Variants in LHX9 observed in about 807,000 individuals in gnomAD.
The protein encoded by LHX9 is LIM/homeobox protein Lhx9.
Under a neutral mutation model 36.5 loss-of-function variants are expected in LHX9, and 9 were observed. The observed-to-expected ratio is 0.25, with a 90% CI of 0.15 to 0.43. The LOEUF (loss-of-function observed/expected upper bound fraction) is 0.43, where lower values mean the gene tolerates loss of function less well. LHX9 is among the 20% of genes least tolerant of loss of function. The pLI, the probability that LHX9 is intolerant of heterozygous loss-of-function variation, is 1.00. For synonymous variants in LHX9, 211 were observed against 212.1 expected (o/e 0.99, Z 0.04); for missense variants, 464 against 526.4 (o/e 0.88, Z 1.16).
At position 197,933,070 on chromosome 1, in the gene LHX9, G is replaced by T. The variant is rs182740571; in HGVS notation, c.*3811G>T. 9 of 151,596 alleles carry T rather than the reference G, an allele frequency of 5.9e-5. No individual in the cohort carries two copies. The East Asian group carries it at 1.4e-3, about 23-fold the overall frequency. The allele number at this position is 151,596 out of a possible 1,614,324, so 9.4% of individuals were successfully genotyped here. Reference sequence around the variant, plus strand: ...AGACAGACAAATATTTAGGAATGAGGTTTTTTTTAATTGTTAAAGGGAATA... The same window carrying T: ...AGACAGACAAATATTTAGGAATGAGTTTTTTTTTAATTGTTAAAGGGAATA... On this transcript the variant is annotated 3_prime_UTR_variant, in exon 5 of 5. Coordinates refer to ENST00000367387, the MANE Select transcript of LHX9 (RefSeq NM_020204.3).
rs1660396644 is a variant in LHX9 at position 197,934,199 on chromosome 1, TC to T, written c.*4943del. On this transcript the variant is annotated 3_prime_UTR_variant, in exon 5 of 5. Coordinates refer to ENST00000367387, the MANE Select transcript of LHX9 (RefSeq NM_020204.3). ...ACATAAATAGCTTTATTTAGCAAAATCCCAGTGGAATCTACCACACATTCTT... is the reference window on the plus strand; with the variant it reads ...ACATAAATAGCTTTATTTAGCAAAATCCAGTGGAATCTACCACACATTCTT... 1 of 152,182 alleles carries T rather than the reference TC, an allele frequency of 6.6e-6. No homozygotes were observed. Among genetic ancestry groups the T allele is most frequent in the African/African-American group, 2.4e-5 (1 of 41,452 alleles). The allele number at this position is 152,182 out of a possible 1,614,324, so 9.4% of individuals were successfully genotyped here.
chr1:197,919,865 T>C (rs1659912244), intron 1 of LHX9, 107 bp from the exon 2 acceptor site: 1 of 1,124,172 alleles, frequency 8.9e-7, no homozygotes, highest in Admixed American at 2.0e-5. Context: ...CCCTGGCCCC[T>C]GCCGCTCTCC....
rs1026178702 is a variant in LHX9 at position 197,933,179 on chromosome 1, A to C, written c.*3920A>C. On this transcript the variant is annotated 3_prime_UTR_variant, in exon 5 of 5. Transcript: ENST00000367387. Reference sequence around the variant, plus strand: ...ACAAACTAACATATACTTTCCAGAAAATTTTTCATTATGATGAAATTTTTA... The same window carrying C: ...ACAAACTAACATATACTTTCCAGAACATTTTTCATTATGATGAAATTTTTA... 6.6e-6 allele frequency: 1 copy of C among 152,208 alleles called. No homozygotes were observed. Among genetic ancestry groups the C allele is most frequent in the South Asian group, 2.1e-4 (1 of 4,828 alleles). 9.4% of individuals were successfully genotyped at this position (152,208 alleles called of 1,614,324 possible). A position where few individuals can be genotyped will look rare whatever the true frequency, so the allele number is the denominator to read the frequency against.
At chr1:197,914,092 A>G (rs554007214), upstream of LHX9, among the ~76,000 whole-genome samples, 5 of 152,306 alleles carry the variant, frequency 3.3e-5, no homozygotes, top group East Asian at 9.7e-4. Flanking sequence ...ATGCTCCACT[A>G]TAGTCCGGCC....
chr1:197,923,369 C>T (rs1333741778), intron 3 of LHX9, among the ~76,000 whole-genome samples: 1 of 152,170 alleles, frequency 6.6e-6, no homozygotes, highest in African/African-American at 2.4e-5. Flanking sequence ...GGCCACTTTG[C>T]CCAGCATGCT....
In LHX9 at chr1:197,931,803, T is replaced by G. The variant is rs1010796608; in HGVS notation, c.*2544T>G. ...AACGAAACCTTAAATATGATTAAGATTTCATGTTAGGTCTATTGAGCACAA... is the reference window on the plus strand; with the variant it reads ...AACGAAACCTTAAATATGATTAAGAGTTCATGTTAGGTCTATTGAGCACAA... On this transcript the variant is annotated 3_prime_UTR_variant, in exon 5 of 5. Transcript: ENST00000367387. The G allele has an allele frequency of 1.5e-6, 1 of 648,500 alleles. No individual in the cohort carries two copies. The highest frequency in any genetic ancestry group is 1.8e-5 in the African/African-American group (1 of 54,982). The allele number at this position is 648,500 out of a possible 1,614,324, so 40.2% of individuals were successfully genotyped here. A position where few individuals can be genotyped will look rare whatever the true frequency, so the allele number is the denominator to read the frequency against.
intron 4 of LHX9, among the ~76,000 whole-genome samples, chr1:197,928,075 G>A (rs371400554): frequency 6.6e-6 from 1 of 152,142 alleles, no homozygotes; most frequent in African/African-American, 2.4e-5. Context: ...GTGCAAATGC[G>A]AGTGATGTTA....
rs1440274266 is a variant in LHX9, at chr1:197,933,438, T to C, written c.*4179T>C. 6.6e-6 allele frequency: 1 copy of C among 152,200 alleles called. No homozygotes were observed. The highest frequency in any genetic ancestry group is 2.4e-5 in the African/African-American group (1 of 41,452). The allele number at this position is 152,200 out of a possible 1,614,324, so 9.4% of individuals were successfully genotyped here. ...TCACAAATCATGCTGGTTTTGTCAG[T>C]AACTTGAATGTTTATGCCTCATTGA... On this transcript the variant is annotated 3_prime_UTR_variant, in exon 5 of 5. Transcript: ENST00000367387.
chr1:197,924,398 G>T (rs1660085446), intron 3 of LHX9, among the ~76,000 whole-genome samples: 1 of 152,238 alleles, frequency 6.6e-6, no homozygotes, highest in African/African-American at 2.4e-5. Flanking sequence ...GCAAAGGCCA[G>T]CTAGTGCTTG....
At chr1:197,919,738 G>T (rs549422797) in intron 1 of LHX9, among the ~76,000 whole-genome samples, 1 of 152,366 alleles carries the variant, frequency 6.6e-6, no homozygotes, top group South Asian at 2.1e-4. Context: ...GATGTCTTTA[G>T]GTTAGTAGTC....
At chr1:197,915,476 C>G (rs1009330334), upstream of LHX9, among the ~76,000 whole-genome samples, 1 of 152,322 alleles carries the variant, frequency 6.6e-6, no homozygotes, top group East Asian at 1.9e-4. Flanking sequence ...GATTCCCATC[C>G]AAAGGGGCTA....
At chr1:197,915,787 G>A (rs1659731039), upstream of LHX9, 1 of 152,154 alleles carries the variant, frequency 6.6e-6, no homozygotes, top group Admixed American at 6.5e-5. Flanking sequence ...CTGCACCAGG[G>A]GTCGTTTCCT....
chr1:197,927,824 C>G, intron 4 of LHX9, 31 bp downstream of exon 4: 2 of 1,569,716 alleles, frequency 1.3e-6, no homozygotes, highest in Non-Finnish European at 1.8e-6. Context: ...ACTGTGCATA[C>G]ATTTCCCTTC....
chr1:197,924,940 A>C lies in LHX9; in HGVS notation c.734-2651A>C, dbSNP rs981178844. Among the ~76,000 whole-genome samples, 5 of 43,878 alleles carry C rather than the reference A, an allele frequency of 1.1e-4. 2 individuals are homozygous for C. The highest frequency in any genetic ancestry group is 2.3e-3 in the South Asian group (2 of 874). 28.8% of individuals were successfully genotyped at this position (43,878 alleles called of 152,430 possible). On this transcript the variant is annotated intron_variant, in intron 3 of 4. Coordinates refer to ENST00000367387, the MANE Select transcript of LHX9 (RefSeq NM_020204.3). Reference sequence around the variant, plus strand: ...GGGGGAATCCCCTACAGCTTTAGCAATAGGCCTTGGAGAAACAGTCATTTG... The same window carrying C: ...GGGGGAATCCCCTACAGCTTTAGCACTAGGCCTTGGAGAAACAGTCATTTG...
At position 197,933,898 on chromosome 1, in the gene LHX9, G is replaced by A. The variant is rs1660390930; in HGVS notation, c.*4639G>A. On this transcript the variant is annotated 3_prime_UTR_variant, in exon 5 of 5. Coordinates refer to ENST00000367387, the MANE Select transcript of LHX9 (RefSeq NM_020204.3). ...CAACTGCACATTTACTGTTTGGTGT[G>A]GAATAGAAAAATGTGGACCTCTTAG... 6.6e-6 allele frequency: 1 copy of A among 152,080 alleles called. No homozygotes were observed. Among genetic ancestry groups the A allele is most frequent in the Non-Finnish European group, 1.5e-5 (1 of 68,002 alleles). The allele number at this position is 152,080 out of a possible 1,614,324, so 9.4% of individuals were successfully genotyped here. A position where few individuals can be genotyped will look rare whatever the true frequency, so the allele number is the denominator to read the frequency against.
intron 4 of LHX9, among the ~76,000 whole-genome samples, 183 bp from the exon 5 acceptor site, chr1:197,928,819 T>A (rs1402636631): frequency 1.7e-5 from 2 of 121,024 alleles, no homozygotes; most frequent in African/African-American, 3.1e-5. Context: ...AACTCTGTTT[T>A]AAAAGAAAAG....
intron 1 of LHX9, chr1:197,918,302 T>G: frequency 1.4e-6 from 1 of 717,302 alleles, no homozygotes; most frequent in Non-Finnish European, 2.6e-6. Flanking sequence ...AAGGTTCCCT[T>G]GATTCCGGGG....
chr1:197,916,502 G>T, upstream of LHX9: 1 of 594,414 alleles, frequency 1.7e-6, no homozygotes, highest in Non-Finnish European at 3.0e-6. Context: ...ATATTGGCAA[G>T]CTTCAAATGA....
At chr1:197,918,810 G>GTA (rs56670022) in intron 1 of LHX9, 1 of 51,638 alleles carries the variant, frequency 1.9e-5, no homozygotes, top group African/African-American at 6.3e-5. Context: ...GGGGGGGGGG[G>GTA]ACTACAGAAG....
Sources: gnomAD v4.1 joint callset for allele counts (sites outside exome capture counted in the v4.1 genomes callset) on GRCh38, gnomAD v4.1.1 for gene constraint, MANE v1.5 for transcripts, NCBI Gene and HGNC (gene_info 2026-07-23, HGNC 2026-07-21) for gene names.